The following PLSCR2 variants were observed in gnomAD, a reference collection of about 807,000 sequenced individuals.
PLSCR2 encodes phospholipid scramblase 2, also known as PL scramblase 2.
Under a neutral mutation model 25.3 loss-of-function variants are expected in PLSCR2, and 18 were observed. The observed-to-expected ratio is 0.71, with a 90% CI of 0.49 to 1.06. The LOEUF is 1.06. PLSCR2 is among the 50% of genes least tolerant of loss of function. The pLI is 0.00. For missense variants in PLSCR2, 243 were observed against 269.5 expected (o/e 0.90, Z 0.69); for synonymous variants, 88 against 87.3 (o/e 1.01, Z -0.04).
chr3:146,431,677 TGTG>T (rs2039550311), downstream of PLSCR2, among the ~76,000 whole-genome samples: 1 of 152,158 alleles, frequency 6.6e-6, no homozygotes, highest in Admixed American at 6.5e-5. Flanking sequence ...GGAGCAAACA[TGTG>T]GTAAAACCCT....
intron 1 of PLSCR2, among the ~76,000 whole-genome samples, chr3:146,485,635 A>T (rs1334019331): frequency 6.6e-6 from 1 of 152,136 alleles, no homozygotes; most frequent in Non-Finnish European, 1.5e-5. Context: ...TTAAAACTCA[A>T]GATTAAGAAA....
At chr3:146,476,236 C>T (rs1323054381) in intron 1 of PLSCR2, among the ~76,000 whole-genome samples, 1 of 152,084 alleles carries the variant, frequency 6.6e-6, no homozygotes, top group African/African-American at 2.4e-5. Context: ...GTTGGTGTGA[C>T]TCACAGAGAG....
chr3:146,483,453 GTATATATATATATATATATACATGTGTA>G (rs1294763137), intron 1 of PLSCR2, among the ~76,000 whole-genome samples: 5 of 32,690 alleles, frequency 1.5e-4, no homozygotes, highest in African/African-American at 4.2e-4. Context: ...ACACATGTAT[GTATATATATATATATATATACATGTGTA>G]TATATATATA....
intron 1 of PLSCR2, among the ~76,000 whole-genome samples, chr3:146,485,147 A>G (rs1434367396): frequency 2.0e-5 from 3 of 151,976 alleles, no homozygotes; most frequent in Admixed American, 6.6e-5. Flanking sequence ...AGGGGTTGCA[A>G]TCCTTGTCTC....
chr3:146,470,588 C>A (rs554565499), intron 1 of PLSCR2, among the ~76,000 whole-genome samples: 1 of 152,182 alleles, frequency 6.6e-6, no homozygotes, highest in Admixed American at 6.5e-5. Flanking sequence ...AACAATAACA[C>A]CATATATGGA....
At chr3:146,461,192 G>T (rs1319255205), upstream of PLSCR2, among the ~76,000 whole-genome samples, 1 of 151,990 alleles carries the variant, frequency 6.6e-6, no homozygotes. Context: ...AATTTCAAGG[G>T]ACTATGTTCC....
At chr3:146,461,884 C>T (rs764657394), upstream of PLSCR2, 315 of 1,457,484 alleles carry the variant, frequency 2.2e-4, no homozygotes, top group Non-Finnish European at 2.7e-4. Context: ...ATATATCTTG[C>T]GAAGTTTTCA....
chr3:146,466,623 T>G (rs2041882479), intron 1 of PLSCR2, among the ~76,000 whole-genome samples: 1 of 152,208 alleles, frequency 6.6e-6, no homozygotes, highest in Admixed American at 6.5e-5. Flanking sequence ...TATTCTCATT[T>G]GATTGCTTTA....
At chr3:146,493,089 C>T (rs1234764086) in intron 1 of PLSCR2, among the ~76,000 whole-genome samples, 3 of 151,780 alleles carry the variant, frequency 2.0e-5, no homozygotes, top group Admixed American at 2.0e-4. Flanking sequence ...AATACATGAC[C>T]TCCCAACATT....
At chr3:146,484,727 G>C (rs28761177) in intron 1 of PLSCR2, among the ~76,000 whole-genome samples, 8 of 152,086 alleles carry the variant, frequency 5.3e-5, no homozygotes, top group Non-Finnish European at 8.8e-5. Flanking sequence ...ATTCCTTTCA[G>C]AGAAGCAAAT....
At chr3:146,461,626 T>C (rs1285518782), upstream of PLSCR2, among the ~76,000 whole-genome samples, 2 of 152,036 alleles carry the variant, frequency 1.3e-5, no homozygotes, top group Non-Finnish European at 2.9e-5. Flanking sequence ...AAATTTTACG[T>C]GACGATCTAC....
At chr3:146,428,691 G>A (rs1559985339), downstream of PLSCR2, among the ~76,000 whole-genome samples, 1 of 152,112 alleles carries the variant, frequency 6.6e-6, no homozygotes, top group Non-Finnish European at 1.5e-5. Context: ...GCATTTTGAT[G>A]CTATGAGGCT....
At chr3:146,439,578 G>C (rs2040107215), downstream of PLSCR2, among the ~76,000 whole-genome samples, 1 of 151,578 alleles carries the variant, frequency 6.6e-6, no homozygotes, top group African/African-American at 2.4e-5. Flanking sequence ...GGTACTGTGT[G>C]CATGCATCAC....
At chr3:146,408,858 C>A (rs541215086) in intron 2 of PLSCR2, among the ~76,000 whole-genome samples, 1 of 152,294 alleles carries the variant, frequency 6.6e-6, no homozygotes, top group East Asian at 1.9e-4. Flanking sequence ...CTAAAGCTCT[C>A]CTTCCACTTA....
At chr3:146,483,457 A>G (rs1333049540) in intron 1 of PLSCR2, among the ~76,000 whole-genome samples, 3 of 57,962 alleles carry the variant, frequency 5.2e-5, no homozygotes, top group Admixed American at 1.8e-4. Context: ...ATGTATGTAT[A>G]TATATATATA....
chr3:146,444,430 A>G (rs1310409860), intron 6 of PLSCR2, among the ~76,000 whole-genome samples: 1 of 150,504 alleles, frequency 6.6e-6, no homozygotes, highest in Admixed American at 6.6e-5. Context: ...TTTGCTTTCT[A>G]TATCTCGGTG....
At chr3:146,494,546 G>A (rs941838945) in intron 1 of PLSCR2, 1 of 152,038 alleles carries the variant, frequency 6.6e-6, no homozygotes, top group African/African-American at 2.4e-5. Flanking sequence ...CAGACAAACT[G>A]GTGGTCTTCC....
At chr3:146,450,169 A>G (rs974410416) in intron 5 of PLSCR2, among the ~76,000 whole-genome samples, 50 of 152,296 alleles carry the variant, frequency 3.3e-4, no homozygotes, top group African/African-American at 1.2e-3. Context: ...ACATTCACCA[A>G]ACTACATGTT....
exon 2 of PLSCR2, chr3:146,459,894 G>A: frequency 6.2e-7 from 1 of 1,613,784 alleles, no homozygotes; most frequent in Non-Finnish European, 8.5e-7. Flanking sequence ...TGGTGGTGGT[G>A]GTGCTGGCAT....
Sources: allele counts gnomAD v4.1 joint callset (sites outside exome capture counted in the v4.1 genomes callset), GRCh38; gene constraint gnomAD v4.1.1; transcripts MANE v1.5; gene names NCBI Gene and HGNC (gene_info 2026-07-23, HGNC 2026-07-21).